Variants in PKP1 observed in about 807,000 individuals in gnomAD.
PKP1 encodes plakophilin-1.
Under a neutral mutation model 76.4 loss-of-function variants are expected in PKP1, and 27 were observed. That is an observed-to-expected ratio of 0.35 (90% CI 0.26 to 0.49). The LOEUF is 0.49. Ranked by LOEUF, PKP1 falls within the 20% of genes least tolerant of loss-of-function variation. PKP1 has a pLI of 0.99. For missense variants in PKP1, 964 were observed against 955.2 expected (o/e 1.01, Z -0.12); for synonymous variants, 404 against 384.2 (o/e 1.05, Z -0.60).
chr1:201,330,928 A>T lies in PKP1; in HGVS notation c.*887A>T, dbSNP rs902151577. On this transcript the variant is annotated 3_prime_UTR_variant, in exon 14 of 14. Coordinates refer to ENST00000367324, the MANE Select transcript of PKP1 (RefSeq NM_001005337.3). ...AGGCCCTGCATTCAGAGGTCTTGTA[A>T]TCTACTTGTTGCAGGAGAAAGAAGG... 1.3e-5 allele frequency: 2 copies of T among 152,274 alleles called. No homozygotes were observed. Among genetic ancestry groups the T allele is most frequent in the Admixed American group, 6.5e-5 (1 of 15,292 alleles). 9.4% of individuals were successfully genotyped at this position (152,274 alleles called of 1,614,324 possible).
intron 13 of PKP1, among the ~76,000 whole-genome samples, chr1:201,329,156 G>T (rs1051194386): frequency 1.3e-5 from 2 of 152,184 alleles, no homozygotes; most frequent in African/African-American, 4.8e-5. Context: ...CACAGGTGGT[G>T]CCCTTCACAT....
At chr1:201,289,471 C>T (rs541167434) in intron 1 of PKP1, among the ~76,000 whole-genome samples, 15 of 152,210 alleles carry the variant, frequency 9.9e-5, no homozygotes, top group South Asian at 6.2e-4. Flanking sequence ...TGCCCTGTGA[C>T]GAAGGAGAAG....
chr1:201,283,984 G>GCCTCCCCT, intron 1 of PKP1, 80 bp downstream of exon 1: 1 of 1,302,850 alleles, frequency 7.7e-7, no homozygotes, highest in Non-Finnish European at 1.1e-6. Context: ...AGAGACGCAC[G>GCCTCCCCT]CATCCCCGGG....
chr1:201,313,982 G>A (rs921951587), intron 3 of PKP1, among the ~76,000 whole-genome samples: 3 of 152,220 alleles, frequency 2.0e-5, no homozygotes, highest in African/African-American at 7.2e-5. Context: ...GCCCTTCAGT[G>A]ATTCTGATTT....
In PKP1 at chr1:201,317,791, C is replaced by T. The variant is rs1324197598; in HGVS notation, c.1054+12C>T. On this transcript the variant is annotated intron_variant, in intron 5 of 13. Coordinates refer to ENST00000367324, the MANE Select transcript of PKP1 (RefSeq NM_001005337.3). ...GAAGCAGCTGACTGGTAGGACAACACGGCCACCGAGAGCCAGCCTGAGGGC... is the reference window on the plus strand; with the variant it reads ...GAAGCAGCTGACTGGTAGGACAACATGGCCACCGAGAGCCAGCCTGAGGGC... The T allele has an allele frequency of 8.1e-6, 13 of 1,610,594 alleles. No individual in the cohort carries two copies. The highest frequency in any genetic ancestry group is 2.2e-5 in the East Asian group (1 of 44,830).
intron 12 of PKP1, 168 bp from the exon 13 acceptor site, chr1:201,328,594 T>C (rs1657218153): frequency 1.4e-6 from 1 of 691,304 alleles, no homozygotes; most frequent in Admixed American, 2.0e-5. Flanking sequence ...GTTATTATGT[T>C]TTGTTACACA....
At chr1:201,326,222 C>G (rs1040559790) in intron 12 of PKP1, among the ~76,000 whole-genome samples, 3 of 152,224 alleles carry the variant, frequency 2.0e-5, no homozygotes, top group Non-Finnish European at 2.9e-5. Flanking sequence ...TAATGTCAAA[C>G]TGAAGAGCTT....
In PKP1 at chr1:201,283,629, C is replaced by T; in HGVS notation, c.-74C>T. 3 of 1,336,552 alleles carry T rather than the reference C, an allele frequency of 2.2e-6. No homozygotes were observed. Among genetic ancestry groups the T allele is most frequent in the Non-Finnish European group, 3.2e-6 (3 of 949,092 alleles). 82.8% of individuals were successfully genotyped at this position (1,336,552 alleles called of 1,614,324 possible). On this transcript the variant is annotated 5_prime_UTR_variant, in exon 1 of 14. Coordinates refer to ENST00000367324, the MANE Select transcript of PKP1 (RefSeq NM_001005337.3). ...AGCGAGAAGAGCACGCTCCTGCCCGCCCGCTGCACCGCACCTCGCCTCGCC... is the reference window on the plus strand; with the variant it reads ...AGCGAGAAGAGCACGCTCCTGCCCGTCCGCTGCACCGCACCTCGCCTCGCC...
chr1:201,323,665 C>T (rs1369245173), intron 9 of PKP1, among the ~76,000 whole-genome samples: 7 of 152,126 alleles, frequency 4.6e-5, no homozygotes, highest in African/African-American at 9.7e-5. Flanking sequence ...GGGGCAGAGC[C>T]AGAGGAAACC....
In PKP1 at chr1:201,309,562, TTG is replaced by T. The variant is rs534835399; in HGVS notation, c.307-3594_307-3593del. 2.9e-3 allele frequency among the ~76,000 whole-genome samples: 440 copies of T among 152,008 alleles called. 2 individuals carry two copies. Among genetic ancestry groups the T allele is most frequent in the African/African-American group, 8.8e-3 (365 of 41,438 alleles). On this transcript the variant is annotated intron_variant, in intron 2 of 13. Transcript: ENST00000367324. ...ATCCATGGGATAACCAGACAAGAGG[TTG>T]TGTGTGTGTCACTGTCCTTTGTATT...
At chr1:201,287,836 G>T (rs1271420246) in intron 1 of PKP1, among the ~76,000 whole-genome samples, 2 of 152,178 alleles carry the variant, frequency 1.3e-5, no homozygotes, top group Non-Finnish European at 2.9e-5. Context: ...TCTGCGATGG[G>T]CCGTGACCCT....
In PKP1 at chr1:201,283,869, C is replaced by T; in HGVS notation, c.167C>T (p.Ser56Phe). The stretch of plus-strand genomic sequence containing the variant: ...ACCGTCAAGCGGCAGAAGTCCAAGT[C>T]TTCCCAGTCGTCCACCCTGAGCCAC... ...MMTVKRQKSK[S>F]SQSSTLSHSN... Residue 56 changes from serine to phenylalanine, a missense_variant, in exon 1 of 14, where the codon TCT (serine) becomes TTT (phenylalanine). Transcript: ENST00000367324. 1 of 1,614,156 alleles carries T rather than the reference C, an allele frequency of 6.2e-7. No individual in the cohort carries two copies. The highest frequency in any genetic ancestry group is 2.2e-5 in the East Asian group (1 of 44,872).
At chr1:201,299,009 G>T (rs1341991658) in intron 2 of PKP1, among the ~76,000 whole-genome samples, 1 of 152,208 alleles carries the variant, frequency 6.6e-6, no homozygotes, top group Non-Finnish European at 1.5e-5. Context: ...TTCACCCTCA[G>T]TCACAGCCAT....
chr1:201,311,485 G>A (rs1471003993), intron 2 of PKP1, among the ~76,000 whole-genome samples: 1 of 152,210 alleles, frequency 6.6e-6, no homozygotes, highest in African/African-American at 2.4e-5. Flanking sequence ...TGTGGCTTCT[G>A]AGTTTTGGAT....
chr1:201,318,754 G>A lies in PKP1; in HGVS notation c.1191G>A (p.Val397=). ...GCAATAGCAACATGTCCCGGGAAGT[G>A]GTGGACCCTGAGGTCTTCTTCAATG... The part of the protein sequence containing the change: ...CDGNSNMSRE[V]VDPEVFFNAT... The change falls in exon 6 of 14, where the codon GTG becomes GTA. Residue 397 remains valine (V), a synonymous_variant. Coordinates refer to ENST00000367324, the MANE Select transcript of PKP1 (RefSeq NM_001005337.3). 1 of 1,610,690 alleles carries A rather than the reference G, an allele frequency of 6.2e-7. No homozygotes were observed. The highest frequency in any genetic ancestry group is 1.1e-5 in the South Asian group (1 of 90,588).
intron 1 of PKP1, among the ~76,000 whole-genome samples, chr1:201,285,431 G>A (rs1018468458): frequency 6.6e-6 from 1 of 152,038 alleles, no homozygotes; most frequent in Non-Finnish European, 1.5e-5. Context: ...GCCTTTGTGT[G>A]GGCTCCAGGC....
intron 2 of PKP1, among the ~76,000 whole-genome samples, chr1:201,305,872 C>T (rs942650337): frequency 2.0e-5 from 3 of 152,192 alleles, no homozygotes; most frequent in African/African-American, 7.2e-5. Flanking sequence ...GATGAACCAT[C>T]ACTGGGACAA....
At chr1:201,317,250 C>T (rs569210266) in intron 4 of PKP1, among the ~76,000 whole-genome samples, 3 of 152,228 alleles carry the variant, frequency 2.0e-5, no homozygotes, top group East Asian at 1.9e-4. Context: ...AATGTATTTA[C>T]ATCCACTCTC....
In PKP1 at chr1:201,313,498, G is replaced by C; in HGVS notation, c.639G>C (p.Val213=). 6.2e-7 allele frequency: 1 copy of C among 1,613,948 alleles called. No homozygotes were observed. Among genetic ancestry groups the C allele is most frequent in the Non-Finnish European group, 8.5e-7 (1 of 1,179,982 alleles). The stretch of plus-strand genomic sequence containing the variant: ...CTTGTGCCTCCAAGCAGGACCCTGT[G>C]TATATCCCGCCCATCTCCTGCAACA... The part of the protein sequence containing the change: ...PPSCASKQDP[V]YIPPISCNKD... Residue 213 remains valine, a synonymous_variant, in exon 3 of 14, where the codon GTG becomes GTC. Transcript: ENST00000367324.
Sources: allele counts gnomAD v4.1 joint callset (sites outside exome capture counted in the v4.1 genomes callset), GRCh38; gene constraint gnomAD v4.1.1; transcripts MANE v1.5; gene names NCBI Gene and HGNC (gene_info 2026-07-23, HGNC 2026-07-21).